Variants in RBFOX1 observed in about 807,000 individuals in gnomAD.
RBFOX1 encodes RNA binding fox-1 homolog 1, also known as RNA binding protein fox-1 homolog 1.
A neutral mutation model predicts 57.7 loss-of-function variants in RBFOX1; 8 were observed. That is an observed-to-expected ratio of 0.14 (90% CI 0.08 to 0.25). The LOEUF (loss-of-function observed/expected upper bound fraction) is 0.25, where lower values mean the gene tolerates loss of function less well. RBFOX1 is among the 10% of genes least tolerant of loss of function. The pLI is 1.00. For synonymous variants in RBFOX1, 326 were observed against 222.4 expected, an observed-to-expected ratio of 1.47 and a Z score of -4.15; for missense variants, 611 against 548.5, an observed-to-expected ratio of 1.11 and a Z score of -1.14.
intron 1 of RBFOX1, among the ~76,000 whole-genome samples, chr16:6,302,722 G>A (rs7203794): frequency 0.065 from 9,837 of 152,174 alleles, 352 homozygotes; most frequent in South Asian, 0.092. Flanking sequence ...TCTTTCTTGT[G>A]CAAACAGGAG....
intron 4 of RBFOX1, among the ~76,000 whole-genome samples, chr16:7,368,265 G>GAAA (rs111544738): frequency 8.4e-6 from 1 of 118,524 alleles, no homozygotes; most frequent in Admixed American, 8.9e-5. Flanking sequence ...AGACTGTCTC[G>GAAA]AAAAAAAAAA....
chr16:6,960,543 C>G (rs544744561), intron 3 of RBFOX1, among the ~76,000 whole-genome samples: 3 of 152,056 alleles, frequency 2.0e-5, no homozygotes, highest in Admixed American at 6.6e-5. Context: ...CAGGAGTCAC[C>G]TCTTTCTTGT....
At chr16:7,208,485 A>C (rs1463297878) in intron 4 of RBFOX1, among the ~76,000 whole-genome samples, 1 of 152,074 alleles carries the variant, frequency 6.6e-6, no homozygotes, top group Non-Finnish European at 1.5e-5. Flanking sequence ...GTATGTGCAG[A>C]GATACATAGT....
At chr16:7,192,817 A>G (rs1438705730) in intron 4 of RBFOX1, among the ~76,000 whole-genome samples, 1 of 152,238 alleles carries the variant, frequency 6.6e-6, no homozygotes, top group African/African-American at 2.4e-5. Context: ...TTTAAAAAGT[A>G]AAATTGGAAC....
At chr16:6,238,585 C>G (rs62015129) in intron 1 of RBFOX1, among the ~76,000 whole-genome samples, 15,386 of 152,168 alleles carry the variant, frequency 0.1, 1,119 homozygotes, top group African/African-American at 0.2. Context: ...ATTCTCAACC[C>G]TGGCTTCAAA....
chr16:6,896,436 C>G (rs994790677), intron 3 of RBFOX1, among the ~76,000 whole-genome samples: 1 of 151,994 alleles, frequency 6.6e-6, no homozygotes, highest in Admixed American at 6.6e-5. Flanking sequence ...TCTTTCAGCC[C>G]TGGTAACTAT....
chr16:6,535,767 C>T (rs560790883), intron 2 of RBFOX1, among the ~76,000 whole-genome samples: 2 of 152,312 alleles, frequency 1.3e-5, no homozygotes, highest in African/African-American at 4.8e-5. Context: ...GCTATCACAA[C>T]CAGCATATGT....
intron 3 of RBFOX1, among the ~76,000 whole-genome samples, chr16:7,021,942 T>A (rs1888790227): frequency 1.4e-5 from 2 of 143,972 alleles, no homozygotes; most frequent in African/African-American, 2.7e-5. Flanking sequence ...TTCTTTTCTT[T>A]CTTTCTTTTC....
chr16:6,162,886 A>C (rs1293629875), intron 1 of RBFOX1, among the ~76,000 whole-genome samples: 1 of 152,018 alleles, frequency 6.6e-6, no homozygotes, highest in Admixed American at 6.6e-5. Context: ...GGCGTGCACC[A>C]CCATGCCAGG....
chr16:6,364,194 T>C (rs139437617), intron 2 of RBFOX1, among the ~76,000 whole-genome samples: 96 of 152,308 alleles, frequency 6.3e-4, no homozygotes, highest in African/African-American at 2.2e-3. Context: ...CTTTTTCAAA[T>C]TGCATGCTTC....
At chr16:7,339,541 G>C (rs1263267304) in intron 4 of RBFOX1, among the ~76,000 whole-genome samples, 1 of 152,160 alleles carries the variant, frequency 6.6e-6, no homozygotes, top group Non-Finnish European at 1.5e-5. Context: ...CCAAGTTCAA[G>C]TGATTCTCCT....
rs1474522044 is a variant in RBFOX1 at position 7,333,913 on chromosome 16, T to A, written c.28-184234T>A. On this transcript the variant is annotated intron_variant, in intron 4 of 15. Transcript: ENST00000550418. ...AATCCAAGGTGGCTTTTTGTTGTTA[T>A]AATTAGTTTTTTGAGTATAATCATC... 3.3e-5 allele frequency among the ~76,000 whole-genome samples: 5 copies of A among 152,278 alleles called. No homozygotes were observed. In the South Asian group the frequency reaches 1.0e-3, roughly 32 times the overall value.
At chr16:5,762,379 GA>G in intron 3 of RBFOX1, among the ~76,000 whole-genome samples, 1 of 148,922 alleles carries the variant, frequency 6.7e-6, no homozygotes, top group East Asian at 2.0e-4. Flanking sequence ...AACGAAGAAA[GA>G]AAACTCAAGT....
chr16:7,347,554 A>T (rs60791889), intron 4 of RBFOX1, among the ~76,000 whole-genome samples: 4,933 of 152,170 alleles, frequency 0.032, 177 homozygotes, highest in African/African-American at 0.087. Flanking sequence ...ACACAGCCAA[A>T]CGATATCAAG....
intron 3 of RBFOX1, among the ~76,000 whole-genome samples, chr16:6,658,373 T>G (rs1220471374): frequency 6.6e-6 from 1 of 152,046 alleles, no homozygotes; most frequent in East Asian, 1.9e-4. Context: ...CCTGCCTGGC[T>G]AATTTTTGTA....
At chr16:7,497,449 C>CA (rs1269392279) in intron 4 of RBFOX1, among the ~76,000 whole-genome samples, 3 of 152,150 alleles carry the variant, frequency 2.0e-5, no homozygotes, top group Non-Finnish European at 4.4e-5. Context: ...TCTTTGCCCC[C>CA]TATAATAATT....
intron 2 of RBFOX1, among the ~76,000 whole-genome samples, chr16:6,545,433 C>T (rs185743627): frequency 2.4e-4 from 37 of 152,258 alleles, no homozygotes; most frequent in African/African-American, 7.9e-4. Context: ...TTAGGGCTTT[C>T]AACACCCTGT....
intron 4 of RBFOX1, among the ~76,000 whole-genome samples, chr16:7,235,858 T>A (rs1704581352): frequency 6.6e-6 from 1 of 152,218 alleles, no homozygotes; most frequent in South Asian, 2.1e-4. Flanking sequence ...AGGCTATTAA[T>A]CAATGAAGCA....
At chr16:5,789,059 G>A (rs1414818734) in intron 3 of RBFOX1, among the ~76,000 whole-genome samples, 4 of 152,108 alleles carry the variant, frequency 2.6e-5, no homozygotes, top group Non-Finnish European at 5.9e-5. Flanking sequence ...ATGTCCTGGA[G>A]TCCTTGTGCA....
Sources: allele counts gnomAD v4.1 joint callset (sites outside exome capture counted in the v4.1 genomes callset), GRCh38; gene constraint gnomAD v4.1.1; transcripts MANE v1.5; gene names NCBI Gene and HGNC (gene_info 2026-07-23, HGNC 2026-07-21).